MARCHF10: variants seen among roughly 807,000 people sequenced by gnomAD.
MARCHF10 encodes membrane associated ring-CH-type finger 10, also known as probable E3 ubiquitin-protein ligase MARCHF10.
A neutral mutation model predicts 76.2 loss-of-function variants in MARCHF10; 64 were observed. That is an observed-to-expected ratio of 0.84 (90% CI 0.69 to 1.03). The LOEUF (loss-of-function observed/expected upper bound fraction) is 1.03, where lower values mean the gene tolerates loss of function less well. Ranked by LOEUF, MARCHF10 falls within the 50% of genes least tolerant of loss-of-function variation. The pLI, the probability that MARCHF10 is intolerant of heterozygous loss-of-function variation, is 0.00. For missense variants in MARCHF10, 875 were observed against 958.0 expected (o/e 0.91, Z 1.14); for synonymous variants, 340 against 357.5 (o/e 0.95, Z 0.55).
intron 4 of MARCHF10, among the ~76,000 whole-genome samples, chr17:62,745,900 C>T (rs193015348): frequency 1.4e-4 from 22 of 152,254 alleles, no homozygotes; most frequent in East Asian, 5.8e-4. Flanking sequence ...AATATCTGGA[C>T]GAAATTCCCC....
At chr17:62,744,553 T>A (rs1317967670) in intron 4 of MARCHF10, 25 bp from the exon 5 acceptor site, 2 of 1,610,312 alleles carry the variant, frequency 1.2e-6, no homozygotes, top group East Asian at 4.5e-5. Context: ...GTCTTTTCAA[T>A]AATTATTTTG....
chr17:62,723,321 C>G (rs1490936830), intron 7 of MARCHF10, among the ~76,000 whole-genome samples: 5 of 151,366 alleles, frequency 3.3e-5, no homozygotes, highest in African/African-American at 1.2e-4. Context: ...TTCTGCCAGA[C>G]AGTTTCTCCC....
At chr17:62,791,044 G>A (rs760575105) in intron 2 of MARCHF10, among the ~76,000 whole-genome samples, 3 of 152,162 alleles carry the variant, frequency 2.0e-5, no homozygotes, top group Non-Finnish European at 4.4e-5. Flanking sequence ...ATAAACACTG[G>A]ACTCTGTTTG....
At chr17:62,784,861 A>T (rs1350431631) in intron 3 of MARCHF10, among the ~76,000 whole-genome samples, 2 of 152,236 alleles carry the variant, frequency 1.3e-5, no homozygotes, top group African/African-American at 4.8e-5. Flanking sequence ...ACCACTGTTC[A>T]ACGAAATAAA....
chr17:62,749,090 C>T (rs1461976919), intron 4 of MARCHF10, among the ~76,000 whole-genome samples: 1 of 152,128 alleles, frequency 6.6e-6, no homozygotes, highest in Non-Finnish European at 1.5e-5. Flanking sequence ...AAAGGTGATG[C>T]CTCCAGTTTT....
At chr17:62,745,623 G>A (rs1242965858) in intron 4 of MARCHF10, among the ~76,000 whole-genome samples, 3 of 152,310 alleles carry the variant, frequency 2.0e-5, no homozygotes, top group Middle Eastern at 3.4e-3. Flanking sequence ...TCTGGGAACC[G>A]TATGCCTTTC....
intron 9 of MARCHF10, among the ~76,000 whole-genome samples, chr17:62,710,458 G>C (rs2089857418): frequency 6.8e-6 from 1 of 147,836 alleles, no homozygotes; most frequent in African/African-American, 2.5e-5. Context: ...GCCCCAGCCT[G>C]TTGTCTTAAT....
intron 4 of MARCHF10, chr17:62,749,964 A>G (rs1462377424): frequency 6.6e-6 from 1 of 152,330 alleles, no homozygotes; most frequent in Non-Finnish European, 1.5e-5. Context: ...GAGGTAAGAA[A>G]TCAAATGAGT....
intron 2 of MARCHF10, among the ~76,000 whole-genome samples, chr17:62,796,571 T>C (rs977870362): frequency 3.9e-5 from 6 of 152,338 alleles, no homozygotes; most frequent in Non-Finnish European, 7.3e-5. Flanking sequence ...ACAAGCTTAG[T>C]TGATAGCCAA....
At chr17:62,757,710 G>A (rs1415711213) in intron 4 of MARCHF10, among the ~76,000 whole-genome samples, 2 of 152,222 alleles carry the variant, frequency 1.3e-5, no homozygotes, top group Non-Finnish European at 2.9e-5. Context: ...ATGGGTCTTG[G>A]ACGTGGTCTA....
Position 62,710,550 on chromosome 17 carries a change from C to CTTTTTTT in MARCHF10, c.2328+674_2328+680dup, listed in dbSNP as rs552647502. On this transcript the variant is annotated intron_variant, in intron 9 of 10. Coordinates refer to ENST00000311269, the MANE Select transcript of MARCHF10 (RefSeq NM_152598.4). ...CTTATGACTAACAGTTTGAACCCAGCTTTTTTTTTTTTTTTTTTTTTTTTT... is the reference window on the plus strand; with the variant it reads ...CTTATGACTAACAGTTTGAACCCAGCTTTTTTTTTTTTTTTTTTTTTTTTTTTTTTTT... Among the ~76,000 whole-genome samples the CTTTTTTT allele has an allele frequency of 1.3e-3, 115 of 88,620 alleles. 12 individuals carry two copies. Among genetic ancestry groups the CTTTTTTT allele is most frequent in the African/African-American group, 5.5e-3 (109 of 19,814 alleles). The allele number at this position is 88,620 out of a possible 152,430, so 58.1% of individuals were successfully genotyped here.
intron 1 of MARCHF10, among the ~76,000 whole-genome samples, chr17:62,804,166 T>C (rs1598095537): frequency 6.6e-6 from 1 of 152,028 alleles, no homozygotes; most frequent in African/African-American, 2.4e-5. Context: ...AGCCAGTGGG[T>C]TGGTGCCAGC....
chr17:62,714,615 A>G (rs1023823895), intron 8 of MARCHF10, among the ~76,000 whole-genome samples: 1 of 152,112 alleles, frequency 6.6e-6, no homozygotes, highest in African/African-American at 2.4e-5. Context: ...AAAATGCATA[A>G]TTGTGATGGA....
At chr17:62,731,675 T>C (rs1438489278) in intron 6 of MARCHF10, among the ~76,000 whole-genome samples, 5 of 152,112 alleles carry the variant, frequency 3.3e-5, no homozygotes, top group Non-Finnish European at 7.4e-5. Flanking sequence ...GTGTAGAACT[T>C]TCCTGAAGCA....
At chr17:62,793,944 C>T (rs1314989537) in intron 2 of MARCHF10, among the ~76,000 whole-genome samples, 1 of 149,878 alleles carries the variant, frequency 6.7e-6, no homozygotes, top group African/African-American at 2.5e-5. Flanking sequence ...CAACCACAAC[C>T]ACCACTACAT....
At position 62,732,925 on chromosome 17, in the gene MARCHF10, G is replaced by A. The variant is rs554352363; in HGVS notation, c.1937+3006C>T. ...GGAGAATCAATTGAACCTGGGAGGC[G>A]GAAGTTGCAGTGAGCTAAGATCACA... On this transcript the variant is annotated intron_variant, in intron 6 of 10. Coordinates refer to ENST00000311269, the MANE Select transcript of MARCHF10 (RefSeq NM_152598.4). Among the ~76,000 whole-genome samples the A allele has an allele frequency of 4.8e-5, 7 of 145,124 alleles. No homozygotes were observed. The South Asian group carries it at 6.7e-4, about 14-fold the overall frequency.
chr17:62,780,564 G>A (rs1250757306), intron 3 of MARCHF10, among the ~76,000 whole-genome samples: 2 of 152,268 alleles, frequency 1.3e-5, no homozygotes, highest in African/African-American at 2.4e-5. Flanking sequence ...GCCTCCTTCC[G>A]ATGTAACCTT....
chr17:62,761,714 G>A (rs1182014846), intron 3 of MARCHF10, among the ~76,000 whole-genome samples: 1 of 152,108 alleles, frequency 6.6e-6, no homozygotes, highest in Admixed American at 6.5e-5. Context: ...GAGCCACTGT[G>A]CCTGGCTAAA....
rs182016393 is a variant in MARCHF10 at position 62,713,741 on chromosome 17, C to G, written c.2215-2397G>C. Reference sequence around the variant, plus strand: ...CTTACTGGAGCTACGGCCCATCCACCCCTTCCTTGTCCCAATCACATCACA... The same window carrying G: ...CTTACTGGAGCTACGGCCCATCCACGCCTTCCTTGTCCCAATCACATCACA... On this transcript the variant is annotated intron_variant, in intron 8 of 10. Coordinates refer to ENST00000311269, the MANE Select transcript of MARCHF10 (RefSeq NM_152598.4). Among the ~76,000 whole-genome samples, 114 of 152,322 alleles carry G rather than the reference C, an allele frequency of 7.5e-4. 1 individual carries two copies. Among genetic ancestry groups the G allele is most frequent in the African/African-American group, 2.6e-3 (108 of 41,566 alleles).
Sources: gnomAD v4.1 joint callset for allele counts (sites outside exome capture counted in the v4.1 genomes callset) on GRCh38, gnomAD v4.1.1 for gene constraint, MANE v1.5 for transcripts, NCBI Gene and HGNC (gene_info 2026-07-23, HGNC 2026-07-21) for gene names.